Variants in ELP4 observed in about 807,000 individuals in gnomAD.
The protein encoded by ELP4 is elongator complex protein 4.
In ELP4, 51 loss-of-function variants were observed where a neutral mutation model predicts 48.9. That is an observed-to-expected ratio of 1.04 (90% CI 0.83 to 1.32). The LOEUF (loss-of-function observed/expected upper bound fraction) is 1.32. ELP4 is among the 40% of genes most tolerant of loss of function. The probability of loss-of-function intolerance (pLI) is 0.00; values close to 1 mark genes in which losing one functional copy is unlikely to be tolerated. For synonymous variants in ELP4, 210 were observed against 189.2 expected, an observed-to-expected ratio of 1.11 and a Z score of -0.90; for missense variants, 519 against 514.6, an observed-to-expected ratio of 1.01 and a Z score of -0.08.
intron 2 of ELP4, among the ~76,000 whole-genome samples, chr11:31,524,523 A>G (rs1210641330): frequency 6.6e-6 from 1 of 152,216 alleles, no homozygotes; most frequent in East Asian, 1.9e-4. Context: ...GGTTAGAAGC[A>G]AGTTCCACAT....
intron 9 of ELP4, among the ~76,000 whole-genome samples, chr11:31,736,012 T>G (rs1249736883): frequency 6.6e-5 from 10 of 152,206 alleles, no homozygotes; most frequent in African/African-American, 2.4e-4. Context: ...GAGCCCGCAT[T>G]GCCAAGTCAA....
At chr11:31,738,286 T>C (rs1352708645) in intron 9 of ELP4, among the ~76,000 whole-genome samples, 1 of 143,424 alleles carries the variant, frequency 7.0e-6, no homozygotes, top group Non-Finnish European at 1.5e-5. Context: ...TGGTGATGCA[T>C]GCCTGTAGTC....
chr11:31,725,434 G>C (rs1254823671), intron 9 of ELP4, among the ~76,000 whole-genome samples: 2 of 152,090 alleles, frequency 1.3e-5, no homozygotes, highest in Non-Finnish European at 2.9e-5. Flanking sequence ...CATGCAAGCT[G>C]CTCCACCACC....
At chr11:31,697,090 C>T (rs1339500588) in intron 9 of ELP4, among the ~76,000 whole-genome samples, 3 of 152,024 alleles carry the variant, frequency 2.0e-5, no homozygotes, top group Non-Finnish European at 4.4e-5. Context: ...GTAAAGGGAT[C>T]AATTCAACAA....
intron 9 of ELP4, among the ~76,000 whole-genome samples, chr11:31,716,366 C>T (rs565074143): frequency 5.3e-5 from 8 of 152,268 alleles, no homozygotes; most frequent in Admixed American, 4.6e-4. Flanking sequence ...TGGTTAAGTG[C>T]ACTGGCTCTG....
rs1030355548 is a variant in ELP4, at chr11:31,534,427, C to G, written c.260-5235C>G. On this transcript the variant is annotated intron_variant, in intron 2 of 9. Coordinates refer to ENST00000640961, the MANE Select transcript of ELP4 (RefSeq NM_019040.5). ...TTGGGCATGTTGGACCTGAAGCATC[C>G]TTATTCTTCTATATTTAGTACCAAT... 4.6e-5 allele frequency among the ~76,000 whole-genome samples: 7 copies of G among 152,108 alleles called. No individual in the cohort carries two copies. In the East Asian group the frequency reaches 1.4e-3, roughly 29 times the overall value.
intron 3 of ELP4, among the ~76,000 whole-genome samples, chr11:31,585,019 G>T (rs762834187): frequency 4.6e-5 from 7 of 152,008 alleles, no homozygotes; most frequent in Non-Finnish European, 1.0e-4. Flanking sequence ...TACATTTTAG[G>T]TATTTTAGGG....
chr11:31,592,482 G>A (rs1057394108), intron 3 of ELP4, among the ~76,000 whole-genome samples: 10 of 149,854 alleles, frequency 6.7e-5, no homozygotes, highest in South Asian at 2.1e-4. Context: ...GTGTGTGTGT[G>A]TATATATATA....
chr11:31,553,997 A>G (rs1956892854), intron 3 of ELP4, among the ~76,000 whole-genome samples: 1 of 152,170 alleles, frequency 6.6e-6, no homozygotes, highest in African/African-American at 2.4e-5. Context: ...AGATTCTCAT[A>G]GGAGCATGAA....
chr11:31,690,421 C>CG lies in ELP4; in HGVS notation c.1143+40200_1143+40201insG, dbSNP rs1251448832. ...ACTGACCAAATACCCCTTCTTTTTC[C>CG]TAAAAAAAAATATATATATTTTATA... On this transcript the variant is annotated intron_variant, in intron 9 of 9. Coordinates refer to ENST00000640961, the MANE Select transcript of ELP4 (RefSeq NM_019040.5). Among the ~76,000 whole-genome samples, 82 of 151,392 alleles carry CG rather than the reference C, an allele frequency of 5.4e-4. 1 individual carries two copies. Among genetic ancestry groups the CG allele is most frequent in the South Asian group, 1.0e-3 (5 of 4,776 alleles).
chr11:31,750,071 A>G (rs780901184), intron 9 of ELP4, among the ~76,000 whole-genome samples: 1 of 150,356 alleles, frequency 6.7e-6, no homozygotes, highest in Non-Finnish European at 1.5e-5. Flanking sequence ...TCACCGTGTT[A>G]GCCAGGATGG....
chr11:31,512,439 A>C (rs1370293924), intron 1 of ELP4: 2 of 152,236 alleles, frequency 1.3e-5, no homozygotes, highest in Admixed American at 6.5e-5. Flanking sequence ...CTTATTCCAA[A>C]GCATTTCATG....
At chr11:31,732,481 A>T (rs1028105336) in intron 9 of ELP4, among the ~76,000 whole-genome samples, 3 of 145,894 alleles carry the variant, frequency 2.1e-5, no homozygotes, top group Admixed American at 6.7e-5. Context: ...AAAAAAAAAA[A>T]AATAAATGAA....
chr11:31,513,875 ATATCT>A (rs1363444677), intron 1 of ELP4, among the ~76,000 whole-genome samples: 1 of 152,188 alleles, frequency 6.6e-6, no homozygotes, highest in Non-Finnish European at 1.5e-5. Context: ...TAAGTATTAA[ATATCT>A]TTTCTGGTTT....
At chr11:31,723,496 C>G (rs1721870159) in intron 9 of ELP4, among the ~76,000 whole-genome samples, 1 of 152,216 alleles carries the variant, frequency 6.6e-6, no homozygotes, top group African/African-American at 2.4e-5. Flanking sequence ...GCACAGTTTT[C>G]TGTGTGATGC....
intron 9 of ELP4, among the ~76,000 whole-genome samples, chr11:31,715,326 G>C (rs1200658085): frequency 1.3e-5 from 2 of 152,122 alleles, no homozygotes; most frequent in African/African-American, 2.4e-5. Flanking sequence ...TACTTTCTAT[G>C]TGGCGGACAC....
chr11:31,725,438 C>T (rs997170832), intron 9 of ELP4, among the ~76,000 whole-genome samples: 2 of 152,294 alleles, frequency 1.3e-5, no homozygotes, highest in East Asian at 1.9e-4. Flanking sequence ...CAAGCTGCTC[C>T]ACCACCACCC....
At chr11:31,702,207 G>A (rs536099684) in intron 9 of ELP4, among the ~76,000 whole-genome samples, 2 of 152,090 alleles carry the variant, frequency 1.3e-5, no homozygotes, top group East Asian at 1.9e-4. Context: ...GGAGACTGAG[G>A]CAGGAGGATC....
chr11:31,511,282 T>C (rs1955998478), intron 1 of ELP4: 1 of 152,220 alleles, frequency 6.6e-6, no homozygotes, highest in Non-Finnish European at 1.5e-5. Context: ...GATATCCTCT[T>C]ACATTTGAAC....
Sources: allele counts gnomAD v4.1 joint callset (sites outside exome capture counted in the v4.1 genomes callset), GRCh38; gene constraint gnomAD v4.1.1; transcripts MANE v1.5; gene names NCBI Gene and HGNC (gene_info 2026-07-23, HGNC 2026-07-21).